The following DNER variants were observed in gnomAD, a reference collection of about 807,000 sequenced individuals.
The protein encoded by DNER is delta/notch like EGF repeat containing.
In DNER, 33 loss-of-function variants were observed where a neutral mutation model predicts 78.2. That is an observed-to-expected ratio of 0.42 (90% CI 0.32 to 0.56). The LOEUF is 0.56. Among genes scored for constraint, DNER ranks in the 20% least tolerant of loss-of-function variants. The pLI is 0.11. For synonymous variants in DNER, 417 were observed against 384.8 expected (o/e 1.08, Z -0.98); for missense variants, 918 against 975.3 (o/e 0.94, Z 0.78).
rs138827964 is a variant in DNER at position 229,493,241 on chromosome 2, C to T, written c.1148-15988G>A. Among the ~76,000 whole-genome samples the T allele has an allele frequency of 2.6e-5, 4 of 152,146 alleles. No homozygotes were observed. The South Asian group carries it at 8.3e-4, about 32-fold the overall frequency. On this transcript the variant is annotated intron_variant, in intron 6 of 12. Coordinates refer to ENST00000341772, the MANE Select transcript of DNER (RefSeq NM_139072.4). ...GGCTGAAATCACCAATTAGTAGGAACAATGTAGTGCTTTGAAGTTGAAAAA... is the reference window on the plus strand; with the variant it reads ...GGCTGAAATCACCAATTAGTAGGAATAATGTAGTGCTTTGAAGTTGAAAAA...
At chr2:229,548,549 A>G (rs2154213266) in intron 4 of DNER, among the ~76,000 whole-genome samples, 1 of 152,242 alleles carries the variant, frequency 6.6e-6, no homozygotes, top group African/African-American at 2.4e-5. Context: ...CAATGAGGAC[A>G]CATGGACACA....
intron 10 of DNER, among the ~76,000 whole-genome samples, chr2:229,398,829 A>G (rs750080036): frequency 5.9e-5 from 9 of 152,098 alleles, no homozygotes; most frequent in Non-Finnish European, 1.3e-4. Context: ...CAAGCCAAAG[A>G]AAAAAATCAC....
intron 5 of DNER, among the ~76,000 whole-genome samples, chr2:229,532,889 C>T (rs1254261324): frequency 2.0e-5 from 3 of 152,132 alleles, no homozygotes; most frequent in Admixed American, 6.5e-5. Flanking sequence ...GAGAAAGTGC[C>T]TTGGGAATAA....
At chr2:229,506,791 A>T (rs559756355) in intron 6 of DNER, among the ~76,000 whole-genome samples, 117 of 151,454 alleles carry the variant, frequency 7.7e-4, no homozygotes, top group Non-Finnish European at 1.4e-3. Context: ...TCCTTGTGAT[A>T]GTTTGCTGAG....
chr2:229,568,028 C>T lies in DNER; in HGVS notation c.847+17830G>A, dbSNP rs55930219. On this transcript the variant is annotated intron_variant, in intron 4 of 12. Coordinates refer to ENST00000341772, the MANE Select transcript of DNER (RefSeq NM_139072.4). ...GCCTTCACTATTAGAATATCTAACA[C>T]GGATCACAGCATAAAAGACGGATGT... 3.5e-3 allele frequency among the ~76,000 whole-genome samples: 536 copies of T among 152,178 alleles called. 3 individuals carry two copies. The highest frequency in any genetic ancestry group is 0.012 in the African/African-American group (513 of 41,516).
At chr2:229,664,317 G>A (rs968857533) in intron 1 of DNER, among the ~76,000 whole-genome samples, 10 of 150,326 alleles carry the variant, frequency 6.7e-5, no homozygotes, top group South Asian at 4.2e-4. Flanking sequence ...ATCCACCAGT[G>A]GTAAGATGCA....
chr2:229,360,132 T>C (rs114874322), intron 12 of DNER, among the ~76,000 whole-genome samples: 2,250 of 152,312 alleles, frequency 0.015, 32 homozygotes, highest in South Asian at 0.023. Flanking sequence ...AACAGGCCTG[T>C]TGGGTCTTAC....
intron 4 of DNER, among the ~76,000 whole-genome samples, chr2:229,556,965 C>G (rs879824076): frequency 5.4e-4 from 82 of 152,288 alleles, no homozygotes; most frequent in Non-Finnish European, 9.4e-4. Context: ...TCCCTTTGAT[C>G]ACATCTAGGG....
chr2:229,640,537 G>A (rs1346396750), intron 1 of DNER, among the ~76,000 whole-genome samples: 1 of 151,848 alleles, frequency 6.6e-6, no homozygotes, highest in Middle Eastern at 3.2e-3. Context: ...GATAATTCCT[G>A]GAATCAAAAA....
At chr2:229,684,116 GTGTGTGTT>G (rs1457175904) in intron 1 of DNER, among the ~76,000 whole-genome samples, 1 of 133,964 alleles carries the variant, frequency 7.5e-6, no homozygotes. Context: ...GTGTGTGTGT[GTGTGTGTT>G]TGTGTGTGTG....
chr2:229,515,273 T>A (rs1027001773), intron 5 of DNER, among the ~76,000 whole-genome samples: 19 of 152,212 alleles, frequency 1.2e-4, no homozygotes, highest in Admixed American at 2.6e-4. Context: ...CTAAGGACAA[T>A]CTTGTCCTTG....
At chr2:229,668,516 A>ATATATATACT (rs1699139689) in intron 1 of DNER, among the ~76,000 whole-genome samples, 1 of 60,004 alleles carries the variant, frequency 1.7e-5, no homozygotes, top group African/African-American at 9.0e-5. Flanking sequence ...ATAGGTAAGT[A>ATATATATACT]TGTGTGTGTG....
chr2:229,556,924 A>G (rs1052011365), intron 4 of DNER, among the ~76,000 whole-genome samples: 2 of 152,214 alleles, frequency 1.3e-5, no homozygotes, highest in Non-Finnish European at 2.9e-5. Context: ...CCTTCCAGGT[A>G]AAAGTGCAAT....
intron 1 of DNER, among the ~76,000 whole-genome samples, chr2:229,676,604 T>C (rs892093901): frequency 4.6e-5 from 7 of 152,202 alleles, no homozygotes; most frequent in African/African-American, 1.7e-4. Flanking sequence ...ATCCCTGTTT[T>C]CTGCCACTTC....
At chr2:229,668,499 C>T (rs541066841) in intron 1 of DNER, among the ~76,000 whole-genome samples, 6 of 101,570 alleles carry the variant, frequency 5.9e-5, no homozygotes, top group South Asian at 6.1e-4. Context: ...TATATACTTA[C>T]CTATATATAG....
chr2:229,551,758 C>G (rs1410153132), intron 4 of DNER, among the ~76,000 whole-genome samples: 1 of 151,924 alleles, frequency 6.6e-6, no homozygotes, highest in South Asian at 2.1e-4. Flanking sequence ...ATAGTGAAAC[C>G]CCATCTCTAC....
chr2:229,436,779 C>A (rs958483880), intron 8 of DNER, among the ~76,000 whole-genome samples: 11 of 152,170 alleles, frequency 7.2e-5, no homozygotes, highest in Non-Finnish European at 1.5e-4. Context: ...ACCTGCTTTA[C>A]AAGAGGTCCT....
At chr2:229,681,711 T>C (rs7562449) in intron 1 of DNER, among the ~76,000 whole-genome samples, 86,499 of 151,706 alleles carry the variant, frequency 0.57, 26,028 homozygotes, top group Non-Finnish European at 0.68. Context: ...AACTTAACAA[T>C]AGTATTTCTC....
At chr2:229,477,102 T>C in intron 7 of DNER, 38 bp downstream of exon 7, 3 of 1,530,692 alleles carry the variant, frequency 2.0e-6, no homozygotes, top group Non-Finnish European at 2.7e-6. Context: ...TGATTTAAAA[T>C]GAAAAAAGTT....
Sources: gnomAD v4.1 joint callset for allele counts (sites outside exome capture counted in the v4.1 genomes callset) on GRCh38, gnomAD v4.1.1 for gene constraint, MANE v1.5 for transcripts, NCBI Gene and HGNC (gene_info 2026-07-23, HGNC 2026-07-21) for gene names.